The following RABGAP1L variants were observed in gnomAD, a reference collection of about 807,000 sequenced individuals.
RABGAP1L encodes the protein rab GTPase-activating protein 1-like.
In RABGAP1L, 63 loss-of-function variants were observed where a neutral mutation model predicts 137.7. That is an observed-to-expected ratio of 0.46 (90% CI 0.37 to 0.56). The LOEUF (loss-of-function observed/expected upper bound fraction) is 0.56, where lower values mean the gene tolerates loss of function less well. Ranked by LOEUF, RABGAP1L falls within the 20% of genes least tolerant of loss-of-function variation. The pLI is 0.00. For missense variants in RABGAP1L, 1,095 were observed against 1,244.0 expected (o/e 0.88, Z 1.80); for synonymous variants, 431 against 433.7 (o/e 0.99, Z 0.08).
chr1:174,514,911 G>A (rs990511869), intron 13 of RABGAP1L, among the ~76,000 whole-genome samples: 2 of 151,986 alleles, frequency 1.3e-5, no homozygotes, highest in Admixed American at 6.6e-5. Flanking sequence ...TTTTGTTTTT[G>A]TAGGTTTTGT....
chr1:174,423,225 T>C (rs1184105951), intron 13 of RABGAP1L, among the ~76,000 whole-genome samples: 1 of 152,124 alleles, frequency 6.6e-6, no homozygotes, highest in African/African-American at 2.4e-5. Context: ...TTGTGTCCAT[T>C]TTTTTAATAT....
chr1:174,464,221 T>C (rs906169854), intron 13 of RABGAP1L, among the ~76,000 whole-genome samples: 1 of 152,142 alleles, frequency 6.6e-6, no homozygotes, highest in Admixed American at 6.5e-5. Flanking sequence ...TTTATTGCAG[T>C]TCTGCCCAAG....
At chr1:174,498,127 T>G (rs958311183) in intron 13 of RABGAP1L, among the ~76,000 whole-genome samples, 2 of 152,222 alleles carry the variant, frequency 1.3e-5, no homozygotes, top group Non-Finnish European at 2.9e-5. Flanking sequence ...AAGTTTTTTT[T>G]AGCTTTGAAT....
chr1:174,484,437 G>A (rs1659434183), intron 13 of RABGAP1L, among the ~76,000 whole-genome samples: 1 of 152,118 alleles, frequency 6.6e-6, no homozygotes, highest in South Asian at 2.1e-4. Flanking sequence ...GTTTGCTTTG[G>A]TTGCCTGTGC....
intron 16 of RABGAP1L, 48 bp from the exon 17 acceptor site, chr1:174,702,065 C>G (rs1679706340): frequency 6.4e-7 from 1 of 1,563,964 alleles, no homozygotes; most frequent in Non-Finnish European, 8.7e-7. Flanking sequence ...CTTCATTGTT[C>G]TGCTGCAAGC....
intron 13 of RABGAP1L, among the ~76,000 whole-genome samples, chr1:174,438,759 TATATATATATATATATATGA>T (rs1426235598): frequency 7.1e-6 from 1 of 141,360 alleles, no homozygotes; most frequent in Non-Finnish European, 1.5e-5. Context: ...TATATATATA[TATATATATATATATATATGA>T]CTTTTTAATT....
intron 15 of RABGAP1L, among the ~76,000 whole-genome samples, chr1:174,694,310 T>C (rs1679088931): frequency 6.6e-6 from 1 of 151,856 alleles, no homozygotes; most frequent in Non-Finnish European, 1.5e-5. Context: ...TAACTCGTCA[T>C]CTAGCATTAG....
rs553077516 is a variant in RABGAP1L at position 174,623,123 on chromosome 1, C to T, written c.1711-14252C>T. ...AATATATTTAGCTTTGGAGGTTCTA[C>T]ATTAAAGGTTATTTTTAGAAAGTTT... On this transcript the variant is annotated intron_variant, in intron 13 of 25. Transcript: ENST00000681986. Among the ~76,000 whole-genome samples the T allele has an allele frequency of 2.0e-5, 3 of 152,236 alleles. No homozygotes were observed. In the South Asian group the frequency reaches 6.2e-4, roughly 32 times the overall value.
At chr1:174,757,376 T>A (rs1684849707) in intron 18 of RABGAP1L, among the ~76,000 whole-genome samples, 1 of 152,104 alleles carries the variant, frequency 6.6e-6, no homozygotes, top group Non-Finnish European at 1.5e-5. Context: ...AATTGCTAGG[T>A]CAAACTGTAA....
intron 13 of RABGAP1L, among the ~76,000 whole-genome samples, chr1:174,439,659 A>C (rs760385241): frequency 6.6e-6 from 1 of 152,190 alleles, no homozygotes; most frequent in Non-Finnish European, 1.5e-5. Flanking sequence ...CAATTGGGAA[A>C]TGCATTTTCT....
chr1:174,387,168 GA>G (rs1686863184), intron 12 of RABGAP1L, among the ~76,000 whole-genome samples: 1 of 152,174 alleles, frequency 6.6e-6, no homozygotes, highest in African/African-American at 2.4e-5. Flanking sequence ...CAAAGTAACT[GA>G]AACACTGAGG....
intron 13 of RABGAP1L, among the ~76,000 whole-genome samples, chr1:174,468,858 A>C (rs1558260648): frequency 1.3e-5 from 2 of 152,150 alleles, no homozygotes; most frequent in East Asian, 1.9e-4. Context: ...TTCAGTAAAT[A>C]TTTGGGGGCA....
intron 19 of RABGAP1L, among the ~76,000 whole-genome samples, chr1:174,939,567 AAAAG>A (rs1665493625): frequency 6.6e-6 from 1 of 152,072 alleles, no homozygotes; most frequent in Non-Finnish European, 1.5e-5. Flanking sequence ...AAAAAAGAAA[AAAAG>A]AAATGAGTTT....
At chr1:174,313,890 T>C (rs1294837831) in intron 11 of RABGAP1L, among the ~76,000 whole-genome samples, 1 of 152,182 alleles carries the variant, frequency 6.6e-6, no homozygotes, top group Non-Finnish European at 1.5e-5. Flanking sequence ...TATAATGTAT[T>C]GTTGAATTCT....
chr1:174,465,212 T>G (rs1396403584), intron 13 of RABGAP1L, among the ~76,000 whole-genome samples: 1 of 152,188 alleles, frequency 6.6e-6, no homozygotes, highest in African/African-American at 2.4e-5. Context: ...ATTGAGCATT[T>G]TTTTTGAGGC....
intron 11 of RABGAP1L, among the ~76,000 whole-genome samples, chr1:174,311,482 A>G (rs1572025903): frequency 6.6e-6 from 1 of 152,172 alleles, no homozygotes; most frequent in South Asian, 2.1e-4. Context: ...CATGACTTCA[A>G]TTGTTTTGAT....
At chr1:174,175,159 G>C (rs111353854) in intron 1 of RABGAP1L, among the ~76,000 whole-genome samples, 7 of 125,366 alleles carry the variant, frequency 5.6e-5, no homozygotes, top group Non-Finnish European at 1.2e-4. Context: ...ATATGACACA[G>C]ACCAGTAGAT....
chr1:174,406,203 A>C (rs991376777), intron 13 of RABGAP1L, among the ~76,000 whole-genome samples: 3 of 152,092 alleles, frequency 2.0e-5, no homozygotes, highest in African/African-American at 7.2e-5. Context: ...TAAAAACTGT[A>C]ATTATATGTG....
chr1:174,788,986 G>T (rs142544625), intron 18 of RABGAP1L, among the ~76,000 whole-genome samples: 4 of 152,078 alleles, frequency 2.6e-5, no homozygotes, highest in African/African-American at 9.7e-5. Flanking sequence ...AGTGCTGGGG[G>T]TTCAGGTGTG....
Sources: allele counts gnomAD v4.1 joint callset (sites outside exome capture counted in the v4.1 genomes callset), GRCh38; gene constraint gnomAD v4.1.1; transcripts MANE v1.5; gene names NCBI Gene and HGNC (gene_info 2026-07-23, HGNC 2026-07-21).